RABGEF1: variants seen among roughly 807,000 people sequenced by gnomAD.
RABGEF1 encodes the protein RAB guanine nucleotide exchange factor 1.
Under a neutral mutation model 57.3 loss-of-function variants are expected in RABGEF1, and 26 were observed. That is an observed-to-expected ratio of 0.45 (90% CI 0.33 to 0.63). The LOEUF (loss-of-function observed/expected upper bound fraction) is 0.63, where lower values mean the gene tolerates loss of function less well. Among genes scored for constraint, RABGEF1 ranks in the 20% least tolerant of loss-of-function variants. The pLI is 0.02. For synonymous variants in RABGEF1, 185 were observed against 210.7 expected (o/e 0.88, Z 1.06); for missense variants, 464 against 607.6 (o/e 0.76, Z 2.48).
At chr7:66,740,694 A>C (rs1161633649), upstream of RABGEF1, 1 of 152,634 alleles carries the variant, frequency 6.6e-6, no homozygotes, top group Non-Finnish European at 1.5e-5. Flanking sequence ...CGGGGCGAGC[A>C]GGAGGGTGGG....
Position 66,805,189 on chromosome 7 carries a change from C to T in RABGEF1, c.870C>T (p.Cys290=). The change falls in exon 8 of 9, where the codon TGC becomes TGT. Residue 290 remains cysteine (C), a synonymous_variant. Coordinates refer to ENST00000284957, the MANE Select transcript of RABGEF1 (RefSeq NM_014504.3). ...GTGTGCCTCGAGACAAGCTGGCCTG[C>T]ATCACCAAGTGCAGCAAGCACATCT... The part of the protein sequence containing the change: ...SKRVPRDKLA[C]ITKCSKHIFN... The T allele has an allele frequency of 6.2e-7, 1 of 1,613,114 alleles. No individual in the cohort carries two copies. The highest frequency in any genetic ancestry group is 8.5e-7 in the Non-Finnish European group (1 of 1,179,066).
chr7:66,800,375 TC>T (rs1390835944), intron 7 of RABGEF1, among the ~76,000 whole-genome samples: 1 of 152,210 alleles, frequency 6.6e-6, no homozygotes, highest in Non-Finnish European at 1.5e-5. Context: ...CCAGGCATTC[TC>T]TGCTGATGTG....
rs748144913 is a variant in RABGEF1, at chr7:66,775,426, G to A, written c.346+33G>A. On this transcript the variant is annotated intron_variant, in intron 3 of 8. Coordinates refer to ENST00000284957, the MANE Select transcript of RABGEF1 (RefSeq NM_014504.3). ...TCTGATACTCTTTTTTTTCTTCTCT[G>A]CCTGAGTGAGACACAGAGGAGATCC... is the stretch of plus-strand genomic sequence containing the variant. 2.5e-6 allele frequency: 4 copies of A among 1,607,072 alleles called. No homozygotes were observed. In the South Asian group the frequency reaches 3.3e-5, roughly 13 times the overall value.
intron 1 of RABGEF1, among the ~76,000 whole-genome samples, chr7:66,766,342 T>G (rs1012384446): frequency 6.6e-6 from 1 of 152,072 alleles, no homozygotes; most frequent in Admixed American, 6.6e-5. Flanking sequence ...CTTAGTGATG[T>G]CTCTGCCACT....
At chr7:66,750,583 T>C (rs1801183482) in intron 1 of RABGEF1, among the ~76,000 whole-genome samples, 2 of 152,222 alleles carry the variant, frequency 1.3e-5, no homozygotes, top group South Asian at 4.1e-4. Context: ...ACTCAATGCA[T>C]TAAAAGATAC....
intron 1 of RABGEF1, among the ~76,000 whole-genome samples, chr7:66,707,363 T>A (rs1794251607): frequency 6.6e-6 from 1 of 152,136 alleles, no homozygotes; most frequent in African/African-American, 2.4e-5. Context: ...ACATTCTGTT[T>A]TTTTTCTGAT....
At chr7:66,754,727 T>G (rs563169670) in intron 1 of RABGEF1, among the ~76,000 whole-genome samples, 1 of 152,372 alleles carries the variant, frequency 6.6e-6, no homozygotes, top group Non-Finnish European at 1.5e-5. Context: ...CTAACAAATC[T>G]GAATAAATAC....
the RABGEF1 span, among the ~76,000 whole-genome samples, chr7:66,675,066 C>T: frequency 6.6e-6 from 1 of 152,146 alleles, no homozygotes; most frequent in East Asian, 1.9e-4. Flanking sequence ...CAACTAATAA[C>T]ACTTATTGAA....
Position 66,775,209 on chromosome 7 carries a change from T to C in RABGEF1, c.180-18T>C, listed in dbSNP as rs1808239157. 3.7e-6 allele frequency: 6 copies of C among 1,602,676 alleles called. No individual in the cohort carries two copies. The highest frequency in any genetic ancestry group is 5.1e-6 in the Non-Finnish European group (6 of 1,175,680). On this transcript the variant is annotated intron_variant, in intron 2 of 8. Transcript: ENST00000284957. The stretch of plus-strand genomic sequence containing the variant: ...TTGGAGAATATCTAGGTCATTCTAA[T>C]CCTCTCTTGAATTGCAGACTCCAGC...
chr7:66,788,931 G>A (rs1011990186), intron 4 of RABGEF1, among the ~76,000 whole-genome samples: 7 of 151,614 alleles, frequency 4.6e-5, no homozygotes, highest in African/African-American at 1.7e-4. Context: ...CTCCAGCCTG[G>A]GCAACAAGAG....
At chr7:66,755,689 G>T (rs867967228) in intron 1 of RABGEF1, among the ~76,000 whole-genome samples, 2 of 152,152 alleles carry the variant, frequency 1.3e-5, no homozygotes, top group Non-Finnish European at 2.9e-5. Context: ...TATCTTGTAT[G>T]TAATTTTGAG....
chr7:66,772,834 C>T (rs1807483786), intron 2 of RABGEF1, among the ~76,000 whole-genome samples: 1 of 151,768 alleles, frequency 6.6e-6, no homozygotes, highest in African/African-American at 2.4e-5. Context: ...ATTGCTTGAA[C>T]CCAGGTATCG....
intron 1 of RABGEF1, among the ~76,000 whole-genome samples, chr7:66,763,993 A>G (rs1805087853): frequency 6.6e-6 from 1 of 152,192 alleles, no homozygotes; most frequent in Non-Finnish European, 1.5e-5. Flanking sequence ...CTCTTAGTCT[A>G]GGAGTGAAAT....
At chr7:66,702,935 A>G (rs757089562) in intron 1 of RABGEF1, among the ~76,000 whole-genome samples, 5 of 151,660 alleles carry the variant, frequency 3.3e-5, no homozygotes, top group Non-Finnish European at 7.4e-5. Flanking sequence ...GTTTATTTTC[A>G]CTTTTTTGAT....
chr7:66,710,441 T>C lies in RABGEF1; in HGVS notation c.-872-1726T>C, dbSNP rs1562722826. Among the ~76,000 whole-genome samples, 3 of 152,366 alleles carry C rather than the reference T, an allele frequency of 2.0e-5. No individual in the cohort carries two copies. In the South Asian group the frequency reaches 6.2e-4, roughly 32 times the overall value. On this transcript the variant is annotated intron_variant and NMD_transcript_variant, in intron 1 of 9. Transcript: ENST00000607882. ...TGTCATCTGGTAGGTATATATTTAA[T>C]CTTTTAAGAAACTGCTAAACTGTTT...
rs867400845 is a variant in RABGEF1, at chr7:66,775,350, G to A, written c.303G>A (p.Val101=). The A allele has an allele frequency of 1.2e-6, 2 of 1,613,960 alleles. No homozygotes were observed. The highest frequency in any genetic ancestry group is 1.7e-6 in the Non-Finnish European group (2 of 1,179,846). ...AGAAGACCCGCAAGGTTACCACAGT[G>A]AAGAAATTCTTCAGTGCATCTTCCA... The part of the protein sequence containing the change: ...TNEKTRKVTT[V]KKFFSASSRV... Residue 101 remains valine, a synonymous_variant, in exon 3 of 9, where the codon GTG becomes GTA. Coordinates refer to ENST00000284957, the MANE Select transcript of RABGEF1 (RefSeq NM_014504.3).
At chr7:66,769,651 A>G (rs3800813) in intron 1 of RABGEF1, among the ~76,000 whole-genome samples, 6,001 of 152,210 alleles carry the variant, frequency 0.039, 167 homozygotes, top group East Asian at 0.085. Flanking sequence ...GCAGGAGAGG[A>G]TTTATTTTCC....
At chr7:66,722,220 T>C (rs995504646) in intron 2 of RABGEF1, among the ~76,000 whole-genome samples, 4 of 151,798 alleles carry the variant, frequency 2.6e-5, no homozygotes, top group African/African-American at 9.7e-5. Flanking sequence ...GGTGGGTGGG[T>C]CATGAGGTCA....
chr7:66,664,727 G>C, the RABGEF1 span, among the ~76,000 whole-genome samples: 699 of 152,380 alleles, frequency 4.6e-3, 8 homozygotes, highest in African/African-American at 0.016. Context: ...CACGCAGCCA[G>C]TGCTGACAGA....
Sources: allele counts gnomAD v4.1 joint callset (sites outside exome capture counted in the v4.1 genomes callset), GRCh38; gene constraint gnomAD v4.1.1; transcripts MANE v1.5; gene names NCBI Gene and HGNC (gene_info 2026-07-23, HGNC 2026-07-21).